Variants in USP24 observed in about 807,000 individuals in gnomAD.
USP24 encodes ubiquitin carboxyl-terminal hydrolase 24.
Under a neutral mutation model 361.6 loss-of-function variants are expected in USP24, and 97 were observed. That is an observed-to-expected ratio of 0.27 (90% confidence interval 0.23 to 0.32). The LOEUF is 0.32. Ranked by LOEUF, USP24 falls within the 10% of genes least tolerant of loss-of-function variation. The pLI, the probability that USP24 is intolerant of heterozygous loss-of-function variation, is 1.00. For missense variants in USP24, 2,353 were observed against 3,165.6 expected (o/e 0.74, Z 6.16); for synonymous variants, 1,098 against 1,124.6 (o/e 0.98, Z 0.47).
intron 64 of USP24, among the ~76,000 whole-genome samples, chr1:55,073,382 A>G (rs925340984): frequency 6.6e-6 from 1 of 152,192 alleles, no homozygotes; most frequent in Non-Finnish European, 1.5e-5. Context: ...AGATGAAATA[A>G]GATAATACAG....
At chr1:55,130,007 A>C (rs968388754) in intron 31 of USP24, among the ~76,000 whole-genome samples, 1 of 152,230 alleles carries the variant, frequency 6.6e-6, no homozygotes, top group Non-Finnish European at 1.5e-5. Flanking sequence ...TGTATCAGGC[A>C]TATGTATTTT....
intron 38 of USP24, among the ~76,000 whole-genome samples, chr1:55,112,220 A>G (rs553794384): frequency 1.9e-3 from 288 of 152,284 alleles, no homozygotes; most frequent in African/African-American, 6.8e-3. Flanking sequence ...TTTTCAAAAA[A>G]CCAGCTCCTC....
At position 55,143,191 on chromosome 1, in the gene USP24, T is replaced by C. The variant is rs142470796; in HGVS notation, c.2440-72A>G. 7.1e-5 allele frequency: 85 copies of C among 1,192,828 alleles called. 2 individuals are homozygous for C. The East Asian group carries it at 2.2e-3, about 31-fold the overall frequency. 73.9% of individuals were successfully genotyped at this position (1,192,828 alleles called of 1,614,324 possible). The stretch of plus-strand genomic sequence containing the variant: ...AAAGTTACAAAATCACAGATAATTA[T>C]TTTGTTACATCATGAGTCCACACCT... On this transcript the variant is annotated intron_variant, in intron 21 of 67. Coordinates refer to ENST00000294383, the MANE Select transcript of USP24 (RefSeq NM_015306.3).
intron 38 of USP24, among the ~76,000 whole-genome samples, chr1:55,113,086 C>A (rs1471125059): frequency 1.3e-5 from 2 of 151,994 alleles, no homozygotes; most frequent in Non-Finnish European, 2.9e-5. Flanking sequence ...AGGATTGCAA[C>A]CCCTGCTTTT....
At chr1:55,119,446 T>A (rs1646215633) in intron 38 of USP24, among the ~76,000 whole-genome samples, 1 of 151,934 alleles carries the variant, frequency 6.6e-6, no homozygotes, top group South Asian at 2.1e-4. Flanking sequence ...GTTCAATGAG[T>A]AGAGTTTCAG....
intron 1 of USP24, among the ~76,000 whole-genome samples, chr1:55,197,272 C>T (rs192861298): frequency 6.6e-6 from 1 of 152,318 alleles, no homozygotes; most frequent in African/African-American, 2.4e-5. Flanking sequence ...TGATCTCTCT[C>T]CTGTGCTGCT....
intron 1 of USP24, among the ~76,000 whole-genome samples, chr1:55,197,419 A>G (rs1185689481): frequency 6.6e-6 from 1 of 152,224 alleles, no homozygotes; most frequent in Admixed American, 6.5e-5. Context: ...AACAGTCCCT[A>G]AGACAGAGTG....
At chr1:55,160,881 A>G (rs1037874213) in intron 8 of USP24, among the ~76,000 whole-genome samples, 5 of 152,208 alleles carry the variant, frequency 3.3e-5, no homozygotes, top group African/African-American at 1.2e-4. Flanking sequence ...TAAAAAGTCC[A>G]ATCACTTTGC....
At chr1:55,189,548 C>G (rs1644231047) in intron 1 of USP24, among the ~76,000 whole-genome samples, 1 of 152,130 alleles carries the variant, frequency 6.6e-6, no homozygotes, top group South Asian at 2.1e-4. Context: ...AGAAAGTAGA[C>G]TGGTGGTTGC....
At chr1:55,151,723 C>T (rs1038715342) in intron 16 of USP24, among the ~76,000 whole-genome samples, 1 of 151,974 alleles carries the variant, frequency 6.6e-6, no homozygotes, top group African/African-American at 2.4e-5. Flanking sequence ...GAAAGAGGAC[C>T]AAGGGAGCCG....
rs752481079 is a variant in USP24, at chr1:55,145,977, T to C, written c.2362+21A>G. On this transcript the variant is annotated intron_variant, in intron 20 of 67. Transcript: ENST00000294383. ...TCTTACTTAAAAGTACTGAAAAAAATGATTTTAAGTTTTTTCCTACCATTC... is the reference window on the plus strand; with the variant it reads ...TCTTACTTAAAAGTACTGAAAAAAACGATTTTAAGTTTTTTCCTACCATTC... 9.8e-5 allele frequency: 150 copies of C among 1,535,012 alleles called. 2 individuals carry two copies. In the South Asian group the frequency reaches 1.6e-3, roughly 17 times the overall value.
intron 43 of USP24, 77 bp from the exon 44 acceptor site, chr1:55,101,041 G>A: frequency 1.3e-6 from 2 of 1,488,230 alleles, no homozygotes; most frequent in Non-Finnish European, 1.8e-6. Context: ...GTACATGTTA[G>A]TACCCACATT....
At chr1:55,085,522 G>C (rs1178701038) in intron 56 of USP24, among the ~76,000 whole-genome samples, 3 of 152,202 alleles carry the variant, frequency 2.0e-5, no homozygotes, top group Non-Finnish European at 2.9e-5. Context: ...AGCACTATTT[G>C]GTTTGGTTGC....
At chr1:55,194,536 A>G (rs922624069) in intron 1 of USP24, among the ~76,000 whole-genome samples, 4 of 152,060 alleles carry the variant, frequency 2.6e-5, no homozygotes, top group Non-Finnish European at 1.5e-5. Context: ...CAGAGGGCTG[A>G]GGCTGCAGTG....
intron 1 of USP24, among the ~76,000 whole-genome samples, chr1:55,197,314 T>G (rs1644446314): frequency 6.6e-6 from 1 of 152,254 alleles, no homozygotes; most frequent in Non-Finnish European, 1.5e-5. Context: ...TCATCTGACA[T>G]TCTACATTTC....
intron 34 of USP24, 48 bp from the exon 35 acceptor site, chr1:55,124,676 T>G: frequency 6.3e-7 from 1 of 1,598,296 alleles, no homozygotes. Flanking sequence ...CTTGAACACA[T>G]GCCCTGACAT....
At position 55,094,082 on chromosome 1, in the gene USP24, G is replaced by C. The variant is rs375712266; in HGVS notation, c.6209C>G (p.Ala2070Gly). ...AGGTGAAATTTCTGGTGAAGATGGA[G>C]CTGACCTAAGAGATAGAATCAGAAA... The part of the protein sequence containing the change: ...RQEAEDLSLS[A>G]PSSPEISPQS... The change falls in exon 52 of 68, where the codon GCT (alanine) becomes GGT (glycine). Residue 2070 changes from alanine to glycine, a missense_variant. Physicochemically the swap from Ala to Gly is moderately conservative, Grantham distance 60. Transcript: ENST00000294383. 12 of 1,612,456 alleles carry C rather than the reference G, an allele frequency of 7.4e-6. No homozygotes were observed. The highest frequency in any genetic ancestry group is 1.0e-5 in the Non-Finnish European group (12 of 1,179,218).
At chr1:55,094,264 TA>T (rs1645444645) in intron 51 of USP24, among the ~76,000 whole-genome samples, 177 bp from the exon 52 acceptor site, 1 of 152,170 alleles carries the variant, frequency 6.6e-6, no homozygotes. Flanking sequence ...ATTAAGAAAT[TA>T]AAAATGCAAT....
chr1:55,174,342 AAGGCACAC>A (rs1649742291), intron 3 of USP24, among the ~76,000 whole-genome samples: 1 of 152,234 alleles, frequency 6.6e-6, no homozygotes, highest in Non-Finnish European at 1.5e-5. Context: ...GACAAGCCTA[AAGGCACAC>A]AGAACTCTAG....
Sources: gnomAD v4.1 joint callset for allele counts (sites outside exome capture counted in the v4.1 genomes callset) on GRCh38, gnomAD v4.1.1 for gene constraint, MANE v1.5 for transcripts, NCBI Gene and HGNC (gene_info 2026-07-23, HGNC 2026-07-21) for gene names.